FGF13: variants seen among roughly 807,000 people sequenced by gnomAD.
FGF13 encodes fibroblast growth factor 13, also known as fibroblast growth factor homologous factor 2.
FGF13 carries 2 observed loss-of-function variants against 19.5 expected under a neutral mutation model. The ratio of observed to expected loss-of-function variants is 0.10; its 90% CI spans 0.04 to 0.32. FGF13 has a LOEUF of 0.32. FGF13 is among the 10% of genes least tolerant of loss of function. The probability of loss-of-function intolerance (pLI) is 1.00; values close to 1 mark genes in which losing one functional copy is unlikely to be tolerated. For synonymous variants in FGF13, 72 were observed against 76.9 expected (o/e 0.94, Z 0.33); for missense variants, 113 against 192.7 (o/e 0.59, Z 2.45).
At chrX:138,850,269 C>T (rs971690766) in intron 3 of FGF13, among the ~76,000 whole-genome samples, 1 of 111,625 alleles carries the variant, frequency 9.0e-6, no homozygotes, top group African/African-American at 3.3e-5. Flanking sequence ...TATACATACT[C>T]CTTGATTAGA....
intron 1 of FGF13, among the ~76,000 whole-genome samples, chrX:138,966,005 G>A (rs956067825): frequency 3.0e-4 from 34 of 112,323 alleles, no homozygotes; most frequent in African/African-American, 1.1e-3. Context: ...TTAATACTGA[G>A]TGTCAACTTC....
intron 1 of FGF13, among the ~76,000 whole-genome samples, chrX:139,064,519 G>A (rs1818222676): frequency 1.2e-5 from 1 of 80,534 alleles, no homozygotes. Flanking sequence ...AGCCAGGATG[G>A]TCTCGATCTC....
intron 1 of FGF13, among the ~76,000 whole-genome samples, chrX:138,932,873 C>T (rs1327088677): frequency 9.0e-6 from 1 of 110,654 alleles, no homozygotes; most frequent in Admixed American, 9.6e-5. Context: ...CAGGCCCTGG[C>T]TTATAGAGAC....
chrX:139,003,297 G>A (rs2092082858), intron 1 of FGF13, among the ~76,000 whole-genome samples: 1 of 110,950 alleles, frequency 9.0e-6, no homozygotes, highest in African/African-American at 3.3e-5. Context: ...CGGTGGGCTT[G>A]TGGTCTCGCT....
Position 138,629,220 on chromosome X carries a change from C to A in FGF13, c.*3630G>T, listed in dbSNP as rs930959711. Reference sequence around the variant, plus strand: ...ACCACTCTACTGCAATGTTAATAGACGCTCCATGAAAATGTGGCTTTGTGG... The same window carrying A: ...ACCACTCTACTGCAATGTTAATAGAAGCTCCATGAAAATGTGGCTTTGTGG... On this transcript the variant is annotated 3_prime_UTR_variant, in exon 5 of 5. Transcript: ENST00000315930. 1 of 112,327 alleles carries A rather than the reference C, an allele frequency of 8.9e-6. No homozygotes were observed. The highest frequency in any genetic ancestry group is 1.9e-5 in the Non-Finnish European group (1 of 53,276). 9.3% of individuals were successfully genotyped at this position (112,327 alleles called of 1,213,427 possible).
chrX:138,902,474 T>A (rs985088395), intron 1 of FGF13, among the ~76,000 whole-genome samples: 33 of 112,051 alleles, frequency 2.9e-4, no homozygotes, highest in African/African-American at 1.1e-3. Flanking sequence ...CCTTAACGTT[T>A]TCCTTTCCAC....
intron 3 of FGF13, among the ~76,000 whole-genome samples, chrX:138,658,195 TCAAGTAATTTTCC>T (rs2089455705): frequency 8.9e-6 from 1 of 111,962 alleles, no homozygotes; most frequent in African/African-American, 3.2e-5. Context: ...TTTTCTGCAC[TCAAGTAATTTTCC>T]CAAGTAATTT....
chrX:138,868,831 C>G (rs1221858571), intron 1 of FGF13, among the ~76,000 whole-genome samples: 1 of 110,630 alleles, frequency 9.0e-6, no homozygotes, highest in Non-Finnish European at 1.9e-5. Context: ...TTTCATGGGT[C>G]AAGCGAGAAA....
intron 3 of FGF13, among the ~76,000 whole-genome samples, chrX:138,676,419 C>T (rs1294687546): frequency 9.0e-6 from 1 of 111,314 alleles, no homozygotes; most frequent in African/African-American, 3.3e-5. Flanking sequence ...CTTGGAAAAC[C>T]CACTTAAATG....
chrX:138,891,988 C>CTA (rs1207260543), intron 1 of FGF13, among the ~76,000 whole-genome samples: 1 of 68,230 alleles, frequency 1.5e-5, no homozygotes, highest in Admixed American at 1.9e-4. Flanking sequence ...CTGTCTCTCT[C>CTA]TCTATATATA....
intron 1 of FGF13, among the ~76,000 whole-genome samples, chrX:139,127,918 C>A (rs147884086): frequency 0.011 from 1,207 of 110,794 alleles, 7 homozygotes; most frequent in Non-Finnish European, 0.017. Flanking sequence ...TAGAACCTCA[C>A]CCTCCTTTGA....
At chrX:139,129,154 TACACACACACACACAC>T (rs753541740) in intron 1 of FGF13, among the ~76,000 whole-genome samples, 1 of 93,062 alleles carries the variant, frequency 1.1e-5, no homozygotes, top group Non-Finnish European at 2.1e-5. Flanking sequence ...CATACACACA[TACACACACACACACAC>T]ACACACACAC....
chrX:138,979,416 T>A (rs958148255), intron 1 of FGF13, among the ~76,000 whole-genome samples: 4 of 110,060 alleles, frequency 3.6e-5, no homozygotes, highest in African/African-American at 6.6e-5. Context: ...TTTTTTTTTA[T>A]ATTATTATTA....
chrX:139,108,394 G>C (rs2083574803), intron 1 of FGF13, among the ~76,000 whole-genome samples: 1 of 111,183 alleles, frequency 9.0e-6, no homozygotes, highest in South Asian at 3.9e-4. Flanking sequence ...TGCTGTGTCT[G>C]ATTGACTGGG....
At chrX:139,108,597 G>T (rs2124462971) in intron 1 of FGF13, among the ~76,000 whole-genome samples, 1 of 111,411 alleles carries the variant, frequency 9.0e-6, no homozygotes, top group Non-Finnish European at 1.9e-5. Flanking sequence ...GACAACCATG[G>T]TTAATACCCT....
At chrX:139,054,358 C>T (rs866128254) in intron 1 of FGF13, among the ~76,000 whole-genome samples, 1 of 109,930 alleles carries the variant, frequency 9.1e-6, no homozygotes, top group African/African-American at 3.3e-5. Context: ...CTCCTGACCT[C>T]GTGATCCGCC....
At chrX:138,859,346 A>T (rs184583202) in intron 2 of FGF13, among the ~76,000 whole-genome samples, 60 of 112,337 alleles carry the variant, frequency 5.3e-4, no homozygotes, top group Admixed American at 1.8e-3. Flanking sequence ...GGAACTCTTT[A>T]AAAAAAGAAG....
At chrX:138,799,153 G>C (rs759367610) in intron 3 of FGF13, among the ~76,000 whole-genome samples, 1 of 111,319 alleles carries the variant, frequency 9.0e-6, no homozygotes, top group South Asian at 3.8e-4. Flanking sequence ...TGTGATCTTA[G>C]GGTGTCGATT....
intron 1 of FGF13, among the ~76,000 whole-genome samples, chrX:138,865,454 TCTCTCTCTCTCTCTCTCTC>T (rs1211433643): frequency 9.9e-4 from 95 of 95,631 alleles, no homozygotes; most frequent in African/African-American, 4.3e-3. Context: ...CTCTCTCCTC[TCTCTCTCTCTCTCTCTCTC>T]CTCTCTCTCT....
Sources: gnomAD v4.1 joint callset for allele counts (sites outside exome capture counted in the v4.1 genomes callset) on GRCh38, gnomAD v4.1.1 for gene constraint, MANE v1.5 for transcripts, NCBI Gene and HGNC (gene_info 2026-07-23, HGNC 2026-07-21) for gene names.